PBX1: variants seen among roughly 807,000 people sequenced by gnomAD.
PBX1 encodes the protein pre-B-cell leukemia transcription factor 1.
In PBX1, 6 loss-of-function variants were observed where a neutral mutation model predicts 53.4. The ratio of observed to expected loss-of-function variants is 0.11; its 90% CI spans 0.06 to 0.22. The LOEUF (loss-of-function observed/expected upper bound fraction) is 0.22. PBX1 is among the 10% of genes least tolerant of loss of function. The pLI, the probability that PBX1 is intolerant of heterozygous loss-of-function variation, is 1.00. For missense variants in PBX1, 251 were observed against 551.4 expected (o/e 0.46, Z 5.46); for synonymous variants, 204 against 212.3 (o/e 0.96, Z 0.34).
Position 164,849,075 on chromosome 1 carries a change from T to A in PBX1, c.*2399T>A. The A allele has an allele frequency of 7.7e-7, 1 of 1,304,388 alleles. No individual in the cohort carries two copies. Among genetic ancestry groups the A allele is most frequent in the Non-Finnish European group, 9.8e-7 (1 of 1,021,994 alleles). 80.8% of individuals were successfully genotyped at this position (1,304,388 alleles called of 1,614,324 possible). A position where few individuals can be genotyped will look rare whatever the true frequency, so the allele number is the denominator to read the frequency against. ...CTCCATCTTAGTGGCAGGAATATAA[T>A]GAAACTACCCACGCAAGAACATGGT... On this transcript the variant is annotated 3_prime_UTR_variant, in exon 9 of 9. Transcript: ENST00000420696.
intron 2 of PBX1, among the ~76,000 whole-genome samples, chr1:164,707,460 T>C (rs1384287749): frequency 7.7e-6 from 1 of 130,130 alleles, no homozygotes; most frequent in East Asian, 2.1e-4. Flanking sequence ...AGAGAGAAAG[T>C]GCTGAATCCC....
At chr1:164,593,859 C>G (rs80225002) in intron 2 of PBX1, among the ~76,000 whole-genome samples, 2 of 152,036 alleles carry the variant, frequency 1.3e-5, no homozygotes, top group African/African-American at 4.8e-5. Flanking sequence ...CTCTTGCTCT[C>G]GAGAGATTGA....
chr1:164,736,725 G>C (rs1003516274), intron 2 of PBX1, among the ~76,000 whole-genome samples: 4 of 152,108 alleles, frequency 2.6e-5, no homozygotes, highest in African/African-American at 4.8e-5. Context: ...AGGAAAGAAA[G>C]CCAGCAAAAC....
chr1:164,786,716 T>C lies in PBX1; in HGVS notation c.266-5778T>C, dbSNP rs1237791174. Among the ~76,000 whole-genome samples the C allele has an allele frequency of 6.2e-3, 620 of 99,346 alleles. 5 individuals carry two copies. The highest frequency in any genetic ancestry group is 0.012 in the East Asian group (39 of 3,322). The allele number at this position is 99,346 out of a possible 152,430, so 65.2% of individuals were successfully genotyped here. ...GTGTGTGTGTGTGTGTGTGTGTGTG[T>C]GTGTGCGCGCGCACACACACACACG... On this transcript the variant is annotated intron_variant, in intron 2 of 8. Transcript: ENST00000420696.
chr1:164,571,448 G>T (rs1285292753), intron 2 of PBX1, among the ~76,000 whole-genome samples: 2 of 152,006 alleles, frequency 1.3e-5, no homozygotes, highest in African/African-American at 4.8e-5. Context: ...TAAAATATTT[G>T]ATGTTTTTTG....
chr1:164,877,440 A>G (rs1672541422), intron 2 of PBX1, among the ~76,000 whole-genome samples: 1 of 152,188 alleles, frequency 6.6e-6, no homozygotes, highest in South Asian at 2.1e-4. Flanking sequence ...AGGCGGACCG[A>G]TCACTTGAGG....
At chr1:164,874,721 T>C (rs137966359) in intron 2 of PBX1, among the ~76,000 whole-genome samples, 127 of 152,320 alleles carry the variant, frequency 8.3e-4, no homozygotes, top group Admixed American at 1.5e-3. Context: ...CTCGAACTCC[T>C]GACCTCAAGT....
chr1:164,707,163 G>A (rs1481100546), intron 2 of PBX1, among the ~76,000 whole-genome samples: 2 of 152,186 alleles, frequency 1.3e-5, no homozygotes, highest in Non-Finnish European at 2.9e-5. Context: ...AGCTCCGCTG[G>A]CATCGAGATT....
chr1:164,875,713 C>T (rs1262082283), intron 2 of PBX1, among the ~76,000 whole-genome samples: 1 of 152,046 alleles, frequency 6.6e-6, no homozygotes, highest in Non-Finnish European at 1.5e-5. Context: ...CAGGCAGGAG[C>T]TGGCAGCCAA....
intron 2 of PBX1, 53 bp downstream of exon 2, chr1:164,563,364 T>A: frequency 1.8e-6 from 2 of 1,121,694 alleles, no homozygotes; most frequent in Non-Finnish European, 2.7e-6. Context: ...TTAAATCACT[T>A]AACCAGCAGT....
chr1:164,690,124 A>G (rs1056410074), intron 2 of PBX1, among the ~76,000 whole-genome samples: 1 of 152,198 alleles, frequency 6.6e-6, no homozygotes, highest in Non-Finnish European at 1.5e-5. Flanking sequence ...GATTACATGC[A>G]TCCTGACCGG....
At chr1:164,768,241 T>A (rs182382204) in intron 2 of PBX1, among the ~76,000 whole-genome samples, 1 of 152,308 alleles carries the variant, frequency 6.6e-6, no homozygotes, top group Non-Finnish European at 1.5e-5. Context: ...AGCTCTGAGA[T>A]GTCATCCAAG....
intron 2 of PBX1, among the ~76,000 whole-genome samples, chr1:164,695,638 C>G (rs1397215926): frequency 6.6e-6 from 1 of 152,180 alleles, no homozygotes; most frequent in Non-Finnish European, 1.5e-5. Flanking sequence ...TTAGCATGTT[C>G]GTTTCCCCGT....
At chr1:164,728,845 G>C (rs530187196) in intron 2 of PBX1, among the ~76,000 whole-genome samples, 9 of 152,132 alleles carry the variant, frequency 5.9e-5, no homozygotes, top group Non-Finnish European at 1.2e-4. Flanking sequence ...AGTTTAAATG[G>C]CCTGTTATTT....
chr1:164,702,381 G>A (rs1441064198), intron 2 of PBX1, among the ~76,000 whole-genome samples: 1 of 152,140 alleles, frequency 6.6e-6, no homozygotes, highest in Non-Finnish European at 1.5e-5. Flanking sequence ...TCATTGTATT[G>A]ACTCAGCCTT....
At chr1:164,864,891 G>C (rs1672180934) in intron 2 of PBX1, among the ~76,000 whole-genome samples, 1 of 152,204 alleles carries the variant, frequency 6.6e-6, no homozygotes, top group Non-Finnish European at 1.5e-5. Context: ...CATGGGGAGA[G>C]ATCTGCACTG....
At chr1:164,690,593 T>C (rs1301111917) in intron 2 of PBX1, among the ~76,000 whole-genome samples, 1 of 150,992 alleles carries the variant, frequency 6.6e-6, no homozygotes, top group Admixed American at 6.6e-5. Context: ...ATAGCAAGAC[T>C]CTGTCTCTAA....
chr1:164,635,557 G>A (rs1658710631), intron 2 of PBX1, among the ~76,000 whole-genome samples: 1 of 152,216 alleles, frequency 6.6e-6, no homozygotes, highest in Admixed American at 6.5e-5. Flanking sequence ...TTGCCCTTGG[G>A]TCTGAGGCGC....
intron 2 of PBX1, among the ~76,000 whole-genome samples, chr1:164,773,866 G>A (rs1667514385): frequency 6.6e-6 from 1 of 152,198 alleles, no homozygotes; most frequent in South Asian, 2.1e-4. Context: ...AAGCGTGTTT[G>A]CAGTGTTAAC....
Sources: gnomAD v4.1 joint callset for allele counts (sites outside exome capture counted in the v4.1 genomes callset) on GRCh38, gnomAD v4.1.1 for gene constraint, MANE v1.5 for transcripts, NCBI Gene and HGNC (gene_info 2026-07-23, HGNC 2026-07-21) for gene names.